Variants in FAM124A observed in about 807,000 individuals in gnomAD.
FAM124A encodes family with sequence similarity 124 member A.
Under a neutral mutation model 24.5 loss-of-function variants are expected in FAM124A, and 23 were observed. That is an observed-to-expected ratio of 0.94 (90% CI 0.68 to 1.33). The LOEUF (loss-of-function observed/expected upper bound fraction) is 1.33, where lower values mean the gene tolerates loss of function less well. FAM124A is among the 40% of genes most tolerant of loss of function. The pLI is 0.00. For synonymous variants in FAM124A, 287 were observed against 314.7 expected (o/e 0.91, Z 0.93); for missense variants, 623 against 722.8 (o/e 0.86, Z 1.58).
intron 2 of FAM124A, among the ~76,000 whole-genome samples, chr13:51,240,736 G>A (rs1451459120): frequency 6.6e-6 from 1 of 152,210 alleles, no homozygotes; most frequent in Non-Finnish European, 1.5e-5. Flanking sequence ...CATAAAAGCA[G>A]TACTGCTTTA....
chr13:51,226,011 T>TTTTTC, intron 1 of FAM124A, among the ~76,000 whole-genome samples: 1 of 108,504 alleles, frequency 9.2e-6, no homozygotes, highest in Non-Finnish European at 1.8e-5. Context: ...TTTTTTTTTT[T>TTTTTC]AACAGACAGG....
chr13:51,282,278 A>T lies in FAM124A; in HGVS notation c.*1022A>T, dbSNP rs1954947596. 6.6e-6 allele frequency: 1 copy of T among 152,220 alleles called. No individual in the cohort carries two copies. The highest frequency in any genetic ancestry group is 2.4e-5 in the African/African-American group (1 of 41,456). The allele number at this position is 152,220 out of a possible 1,614,324, so 9.4% of individuals were successfully genotyped here. A position where few individuals can be genotyped will look rare whatever the true frequency, so the allele number is the denominator to read the frequency against. On this transcript the variant is annotated 3_prime_UTR_variant, in exon 4 of 4. Transcript: ENST00000322475. ...TTTAGCCAGCATTTTGATCACACAG[A>T]TTAATAATGCTGTTCTCCCCAAAAC...
At chr13:51,256,598 G>C (rs1273669085) in intron 3 of FAM124A, among the ~76,000 whole-genome samples, 1 of 152,168 alleles carries the variant, frequency 6.6e-6, no homozygotes, top group African/African-American at 2.4e-5. Context: ...GGGGACACTG[G>C]TTTTGTGAGG....
At chr13:51,237,605 C>A (rs1401583323) in intron 2 of FAM124A, among the ~76,000 whole-genome samples, 1 of 152,108 alleles carries the variant, frequency 6.6e-6, no homozygotes, top group Non-Finnish European at 1.5e-5. Context: ...ATAACATGTT[C>A]CATCTTGGTG....
intron 2 of FAM124A, among the ~76,000 whole-genome samples, chr13:51,245,130 A>C (rs9535624): frequency 4.8e-4 from 73 of 152,188 alleles, no homozygotes; most frequent in Middle Eastern, 3.2e-3. Flanking sequence ...TCTGCCACAA[A>C]ATACTTAGGG....
intron 3 of FAM124A, among the ~76,000 whole-genome samples, chr13:51,270,819 T>C (rs1036008194): frequency 5.3e-5 from 8 of 152,220 alleles, no homozygotes; most frequent in African/African-American, 1.9e-4. Context: ...TCTCTTCTGA[T>C]GTAGGCAGCC....
At chr13:51,248,850 C>A (rs900426244) in intron 2 of FAM124A, among the ~76,000 whole-genome samples, 4 of 152,194 alleles carry the variant, frequency 2.6e-5, no homozygotes, top group Non-Finnish European at 5.9e-5. Flanking sequence ...GGAACTGAAG[C>A]CACTAACATA....
chr13:51,264,119 G>A (rs184355347), intron 3 of FAM124A, among the ~76,000 whole-genome samples: 67 of 152,318 alleles, frequency 4.4e-4, no homozygotes, highest in South Asian at 8.3e-4. Context: ...ATACCCATTG[G>A]TACTCTAGGC....
intron 1 of FAM124A, among the ~76,000 whole-genome samples, chr13:51,227,062 G>A (rs949530102): frequency 6.6e-6 from 1 of 152,100 alleles, no homozygotes; most frequent in East Asian, 1.9e-4. Context: ...ATTGTTATGA[G>A]GAACACTCCA....
At chr13:51,276,276 C>T (rs1020743066) in intron 3 of FAM124A, among the ~76,000 whole-genome samples, 5 of 152,108 alleles carry the variant, frequency 3.3e-5, no homozygotes, top group Non-Finnish European at 7.3e-5. Flanking sequence ...CACTTTGCTG[C>T]CATTTTACCA....
At chr13:51,271,999 C>T (rs895815941) in intron 3 of FAM124A, among the ~76,000 whole-genome samples, 6 of 152,118 alleles carry the variant, frequency 3.9e-5, no homozygotes, top group East Asian at 1.9e-4. Flanking sequence ...TTTGAGTTTT[C>T]GTAATCCATT....
chr13:51,240,957 T>G (rs551699275), intron 2 of FAM124A, among the ~76,000 whole-genome samples: 1 of 152,178 alleles, frequency 6.6e-6, no homozygotes, highest in Non-Finnish European at 1.5e-5. Context: ...AAGCCCAAAC[T>G]TGGCATCTGA....
At chr13:51,239,965 G>A (rs1282933591) in intron 2 of FAM124A, among the ~76,000 whole-genome samples, 1 of 152,206 alleles carries the variant, frequency 6.6e-6, no homozygotes, top group Non-Finnish European at 1.5e-5. Context: ...TGGAAGTGTG[G>A]TATTGATGAC....
chr13:51,279,554 A>G (rs1954915244), intron 3 of FAM124A, among the ~76,000 whole-genome samples: 1 of 152,216 alleles, frequency 6.6e-6, no homozygotes, highest in Non-Finnish European at 1.5e-5. Flanking sequence ...GCTTGGACAC[A>G]GACCAGAGAG....
At chr13:51,244,442 A>C (rs1954534218) in intron 2 of FAM124A, among the ~76,000 whole-genome samples, 1 of 152,248 alleles carries the variant, frequency 6.6e-6, no homozygotes, top group South Asian at 2.1e-4. Flanking sequence ...TGATGAAACT[A>C]AATTGCAAAT....
At chr13:51,239,007 T>C (rs1954464265) in intron 2 of FAM124A, among the ~76,000 whole-genome samples, 1 of 152,178 alleles carries the variant, frequency 6.6e-6, no homozygotes. Flanking sequence ...CAGAGGGTGT[T>C]GATTTCCATC....
At chr13:51,254,873 C>T (rs1954659569) in intron 3 of FAM124A, among the ~76,000 whole-genome samples, 1 of 152,050 alleles carries the variant, frequency 6.6e-6, no homozygotes, top group East Asian at 1.9e-4. Flanking sequence ...TATGTATATA[C>T]CAAAAAGTTC....
chr13:51,242,259 TG>T (rs141818713), intron 2 of FAM124A, among the ~76,000 whole-genome samples: 4,342 of 152,302 alleles, frequency 0.029, 96 homozygotes, highest in East Asian at 0.073. Context: ...GCACATAATG[TG>T]GTTTAGAGAG....
chr13:51,260,919 G>A lies in FAM124A; in HGVS notation c.834+8718G>A, dbSNP rs114617741. ...CTCCTAGACATTTGCCAGGCACAGC[G>A]AACTCTAGGGCAGGATAGCCCAGCT... On this transcript the variant is annotated intron_variant, in intron 3 of 3. Transcript: ENST00000322475. 1.3e-3 allele frequency among the ~76,000 whole-genome samples: 204 copies of A among 152,212 alleles called. 2 individuals are homozygous for A. Among genetic ancestry groups the A allele is most frequent in the African/African-American group, 4.1e-3 (171 of 41,532 alleles).
Sources: allele counts gnomAD v4.1 joint callset (sites outside exome capture counted in the v4.1 genomes callset), GRCh38; gene constraint gnomAD v4.1.1; transcripts MANE v1.5; gene names NCBI Gene and HGNC (gene_info 2026-07-23, HGNC 2026-07-21).